AMBRA1: variants seen among roughly 807,000 people sequenced by gnomAD.
AMBRA1 encodes activating molecule in BECN1-regulated autophagy protein 1.
A neutral mutation model predicts 125.4 loss-of-function variants in AMBRA1; 47 were observed. The ratio of observed to expected loss-of-function variants is 0.37; its 90% CI spans 0.30 to 0.48. The LOEUF is 0.48. Ranked by LOEUF, AMBRA1 falls within the 20% of genes least tolerant of loss-of-function variation. The pLI is 0.99. For synonymous variants in AMBRA1, 626 were observed against 655.5 expected, an observed-to-expected ratio of 0.95 and a Z score of 0.69; for missense variants, 1,331 against 1,693.4, an observed-to-expected ratio of 0.79 and a Z score of 3.76.
Position 46,408,527 on chromosome 11 carries a change from G to T in AMBRA1, c.3389C>A (p.Ser1130Ter). The change falls in exon 17 of 18, where the codon TCA (serine) becomes TAA (stop). Residue 1130 changes from serine to a stop codon, truncating the protein, a stop_gained. Transcript: ENST00000683756. LOFTEE classifies it high-confidence loss of function. ...REVPEPGTAA[S>*]GPGEGEGSEY... ...ATGGCTCCTACCTTCACCAGGACCT[G>T]AGGCGGCTGTCCCTGGCTCCGGCAC... The T allele has an allele frequency of 6.4e-7, 1 of 1,571,712 alleles. No homozygotes were observed. The highest frequency in any genetic ancestry group is 8.7e-7 in the Non-Finnish European group (1 of 1,155,346).
intron 11 of AMBRA1, among the ~76,000 whole-genome samples, chr11:46,488,904 T>C (rs1950361318): frequency 6.6e-6 from 1 of 151,264 alleles, no homozygotes; most frequent in African/African-American, 2.5e-5. Flanking sequence ...GTAAAAAGGT[T>C]TTTTTGTTTT....
At chr11:46,404,963 GT>G (rs1269828455) in intron 17 of AMBRA1, among the ~76,000 whole-genome samples, 1 of 152,202 alleles carries the variant, frequency 6.6e-6, no homozygotes, top group East Asian at 1.9e-4. Context: ...GCCCCAGCAT[GT>G]CACCTTCAGG....
At chr11:46,422,908 T>C (rs17725808) in intron 14 of AMBRA1, among the ~76,000 whole-genome samples, 3,924 of 152,198 alleles carry the variant, frequency 0.026, 82 homozygotes, top group Middle Eastern at 0.037. Flanking sequence ...AGCGGACAAC[T>C]GGAAACTGAG....
rs1164593278 is a variant in AMBRA1 at position 46,466,612 on chromosome 11, T to C, written c.2522-23014A>G. On this transcript the variant is annotated intron_variant, in intron 11 of 17. Coordinates refer to ENST00000683756, the MANE Select transcript of AMBRA1 (RefSeq NM_001387011.1). ...TATATAAATAATAATAGAGATCAGG[T>C]TGAAAAAAGATAAGGAACTTGTCAT... Among the ~76,000 whole-genome samples the C allele has an allele frequency of 2.0e-5, 3 of 152,244 alleles. No homozygotes were observed. In the East Asian group the frequency reaches 5.8e-4, roughly 29 times the overall value.
chr11:46,547,497 A>G (rs769169720), intron 3 of AMBRA1: 2 of 576,184 alleles, frequency 3.5e-6, no homozygotes, highest in Non-Finnish European at 6.0e-6. Context: ...CTGTCCCCAA[A>G]TGACACATGC....
chr11:46,417,286 G>A (rs1245339310), intron 15 of AMBRA1, among the ~76,000 whole-genome samples: 2 of 152,076 alleles, frequency 1.3e-5, no homozygotes, highest in Non-Finnish European at 2.9e-5. Context: ...TCCTGACCTC[G>A]TGATCCGCCT....
At chr11:46,484,243 C>T (rs1950184584) in intron 11 of AMBRA1, among the ~76,000 whole-genome samples, 1 of 152,198 alleles carries the variant, frequency 6.6e-6, no homozygotes, top group South Asian at 2.1e-4. Context: ...CACATTTGGC[C>T]TTCTCTTTCC....
At chr11:46,432,029 A>G (rs1217450057) in intron 14 of AMBRA1, among the ~76,000 whole-genome samples, 1 of 151,992 alleles carries the variant, frequency 6.6e-6, no homozygotes, top group East Asian at 1.9e-4. Context: ...AGGATGCTTT[A>G]TTTTTATTTA....
intron 14 of AMBRA1, among the ~76,000 whole-genome samples, chr11:46,418,326 A>ATAT (rs1370032053): frequency 1.5e-3 from 6 of 3,894 alleles, no homozygotes; most frequent in Non-Finnish European, 5.0e-4. Flanking sequence ...ATTTATATAT[A>ATAT]AATATGTATT....
At chr11:46,461,201 C>T (rs1949075968) in intron 11 of AMBRA1, among the ~76,000 whole-genome samples, 1 of 152,214 alleles carries the variant, frequency 6.6e-6, no homozygotes, top group African/African-American at 2.4e-5. Context: ...TGTGATCCTG[C>T]TATTGCACTC....
chr11:46,402,758 T>C (rs1268534454), intron 17 of AMBRA1, among the ~76,000 whole-genome samples: 1 of 152,238 alleles, frequency 6.6e-6, no homozygotes, highest in African/African-American at 2.4e-5. Context: ...CTTGAATTCA[T>C]GGTGCCGAAC....
intron 11 of AMBRA1, among the ~76,000 whole-genome samples, chr11:46,473,221 T>C (rs983741566): frequency 6.6e-6 from 1 of 152,248 alleles, no homozygotes; most frequent in Non-Finnish European, 1.5e-5. Flanking sequence ...TACATCCTCC[T>C]GTATCATGTC....
At chr11:46,398,529 G>T (rs1230992987) in intron 17 of AMBRA1, among the ~76,000 whole-genome samples, 2 of 152,182 alleles carry the variant, frequency 1.3e-5, no homozygotes, top group Admixed American at 6.5e-5. Context: ...CTTTCACCCA[G>T]GCTGGAGTGC....
At chr11:46,491,548 T>C (rs1376632074) in intron 11 of AMBRA1, 10 of 152,184 alleles carry the variant, frequency 6.6e-5, no homozygotes, top group Non-Finnish European at 1.2e-4. Context: ...CAACTGCCAA[T>C]AGAATCTGGA....
chr11:46,465,214 C>T (rs1356532095), intron 11 of AMBRA1, among the ~76,000 whole-genome samples: 1 of 152,132 alleles, frequency 6.6e-6, no homozygotes, highest in Non-Finnish European at 1.5e-5. Context: ...CCCATCCCTT[C>T]CCCTAGAAAC....
chr11:46,423,889 G>A (rs1479738781), intron 14 of AMBRA1, among the ~76,000 whole-genome samples: 1 of 149,480 alleles, frequency 6.7e-6, no homozygotes, highest in Non-Finnish European at 1.5e-5. Flanking sequence ...TCAGCCTCCC[G>A]AGTAGCTGGG....
chr11:46,524,476 A>C lies in AMBRA1; in HGVS notation c.2073-11663T>G, dbSNP rs111475696. Among the ~76,000 whole-genome samples the C allele has an allele frequency of 2.1e-3, 326 of 152,184 alleles. 1 individual carries two copies. The highest frequency in any genetic ancestry group is 3.4e-3 in the Non-Finnish European group (233 of 68,002). ...TAATGGTCTGAGACTAACCAAGAAA[A>C]CTCTGAGTAACTAAAATATGAGGCA... On this transcript the variant is annotated intron_variant, in intron 7 of 17. Transcript: ENST00000683756.
chr11:46,559,415 G>A (rs989779493), intron 1 of AMBRA1, among the ~76,000 whole-genome samples: 19 of 152,296 alleles, frequency 1.2e-4, no homozygotes, highest in Non-Finnish European at 2.6e-4. Flanking sequence ...CCAGGCAAGA[G>A]AGTAAGCAAA....
chr11:46,424,122 T>G (rs990616323), intron 14 of AMBRA1, among the ~76,000 whole-genome samples: 5 of 152,142 alleles, frequency 3.3e-5, no homozygotes, highest in African/African-American at 1.2e-4. Flanking sequence ...TGTTTGGAAA[T>G]TTTTAAAAAA....
Sources: allele counts gnomAD v4.1 joint callset (sites outside exome capture counted in the v4.1 genomes callset), GRCh38; gene constraint gnomAD v4.1.1; transcripts MANE v1.5; gene names NCBI Gene and HGNC (gene_info 2026-07-23, HGNC 2026-07-21).